CNOT4: variants seen among roughly 807,000 people sequenced by gnomAD.
CNOT4 encodes CCR4-NOT transcription complex subunit 4.
Under a neutral mutation model 73.8 loss-of-function variants are expected in CNOT4, and 8 were observed. The ratio of observed to expected loss-of-function variants is 0.11; its 90% CI spans 0.06 to 0.20. The LOEUF (loss-of-function observed/expected upper bound fraction) is 0.20. Ranked by LOEUF, CNOT4 falls within the 10% of genes least tolerant of loss-of-function variation. The pLI is 1.00. For synonymous variants in CNOT4, 293 were observed against 321.1 expected (o/e 0.91, Z 0.94); for missense variants, 564 against 883.4 (o/e 0.64, Z 4.58).
At chr7:135,446,968 G>C (rs1164368220) in intron 1 of CNOT4, among the ~76,000 whole-genome samples, 1 of 146,148 alleles carries the variant, frequency 6.8e-6, no homozygotes, top group Non-Finnish European at 1.6e-5. Flanking sequence ...TTCACAATTA[G>C]TCTGTTCCCA....
At chr7:135,496,487 T>C (rs1803592247) in intron 1 of CNOT4, among the ~76,000 whole-genome samples, 1 of 152,166 alleles carries the variant, frequency 6.6e-6, no homozygotes, top group Non-Finnish European at 1.5e-5. Context: ...CAGTGGTCAG[T>C]GACCCTCACA....
intron 2 of CNOT4, among the ~76,000 whole-genome samples, chr7:135,434,036 C>T (rs1799008541): frequency 6.6e-6 from 1 of 152,196 alleles, no homozygotes; most frequent in Non-Finnish European, 1.5e-5. Context: ...ATATTGTAGA[C>T]TGAGAACAGG....
chr7:135,495,504 CAAAAA>C (rs150007748), intron 1 of CNOT4, among the ~76,000 whole-genome samples: 1 of 54,708 alleles, frequency 1.8e-5, no homozygotes, highest in Non-Finnish European at 3.2e-5. Flanking sequence ...GACTCTGCCT[CAAAAA>C]AAAAAAAAAA....
intron 1 of CNOT4, among the ~76,000 whole-genome samples, chr7:135,450,784 T>C (rs927848322): frequency 1.3e-5 from 2 of 152,128 alleles, no homozygotes; most frequent in Admixed American, 6.6e-5. Flanking sequence ...AAAATGTCTA[T>C]TGGGAGGGGA....
At chr7:135,496,909 C>T (rs1049510379) in intron 1 of CNOT4, among the ~76,000 whole-genome samples, 6 of 151,866 alleles carry the variant, frequency 4.0e-5, no homozygotes, top group African/African-American at 9.7e-5. Flanking sequence ...CAAGCTCAAG[C>T]GATCCTCCCC....
chr7:135,434,994 T>A (rs1264170240), intron 2 of CNOT4, among the ~76,000 whole-genome samples: 1 of 152,218 alleles, frequency 6.6e-6, no homozygotes, highest in Non-Finnish European at 1.5e-5. Flanking sequence ...TTAATAAAAT[T>A]GAGAGCTCTC....
At chr7:135,366,924 C>T (rs1471553904) in intron 10 of CNOT4, among the ~76,000 whole-genome samples, 1 of 152,100 alleles carries the variant, frequency 6.6e-6, no homozygotes, top group African/African-American at 2.4e-5. Context: ...TCCCAATGAC[C>T]CAAATTTGTC....
chr7:135,390,173 C>T (rs1317016389), intron 10 of CNOT4, among the ~76,000 whole-genome samples: 1 of 152,108 alleles, frequency 6.6e-6, no homozygotes, highest in East Asian at 1.9e-4. Flanking sequence ...ACAATTGCCA[C>T]GGGAAGAAAG....
chr7:135,508,104 C>T (rs1804492840), intron 1 of CNOT4, among the ~76,000 whole-genome samples: 1 of 152,084 alleles, frequency 6.6e-6, no homozygotes, highest in Non-Finnish European at 1.5e-5. Context: ...TACAATAACC[C>T]AGTAATGGAC....
At chr7:135,411,977 TAAC>T (rs748394157) in intron 6 of CNOT4, among the ~76,000 whole-genome samples, 10 of 152,072 alleles carry the variant, frequency 6.6e-5, no homozygotes, top group Admixed American at 2.0e-4. Context: ...GAAAGTGTTT[TAAC>T]AACAACAACA....
chr7:135,509,334 T>C (rs1006039141), intron 1 of CNOT4, among the ~76,000 whole-genome samples: 3 of 152,004 alleles, frequency 2.0e-5, no homozygotes, highest in African/African-American at 7.2e-5. Flanking sequence ...GTGGGCTGAT[T>C]GCAAGCACCA....
chr7:135,396,398 T>C (rs560968422), intron 8 of CNOT4, among the ~76,000 whole-genome samples: 9 of 152,292 alleles, frequency 5.9e-5, no homozygotes, highest in African/African-American at 2.2e-4. Flanking sequence ...ATTACAGGCA[T>C]GAGCCACCGT....
At chr7:135,460,494 T>C (rs138132827) in intron 1 of CNOT4, among the ~76,000 whole-genome samples, 38 of 152,252 alleles carry the variant, frequency 2.5e-4, no homozygotes, top group African/African-American at 8.4e-4. Context: ...GACAGAGCAA[T>C]AGCCAGTCAC....
At chr7:135,503,753 T>C (rs891375082) in intron 1 of CNOT4, among the ~76,000 whole-genome samples, 1 of 152,122 alleles carries the variant, frequency 6.6e-6, no homozygotes, top group East Asian at 1.9e-4. Context: ...TAAGAATTAA[T>C]AAAAGTTAGA....
In CNOT4 at chr7:135,363,334, T is replaced by A; in HGVS notation, c.1841-148A>T. On this transcript the variant is annotated intron_variant, in intron 11 of 11. Transcript: ENST00000541284. This position sits in a 1 kb window ranked among gnomAD's most constrained non-coding sequence, Gnocchi z 4.3. Reference sequence around the variant, plus strand: ...TTCCAAATAAGACCTTTTAAACCAATCCTCCCCCAACAACAAAGAACTTAT... The same window carrying A: ...TTCCAAATAAGACCTTTTAAACCAAACCTCCCCCAACAACAAAGAACTTAT... 1 of 706,334 alleles carries A rather than the reference T, an allele frequency of 1.4e-6. No homozygotes were observed. Among genetic ancestry groups the A allele is most frequent in the Non-Finnish European group, 2.3e-6 (1 of 426,586 alleles). The allele number at this position is 706,334 out of a possible 1,614,324, so 43.8% of individuals were successfully genotyped here. A position where few individuals can be genotyped will look rare whatever the true frequency, so the allele number is the denominator to read the frequency against.
intron 2 of CNOT4, among the ~76,000 whole-genome samples, chr7:135,429,635 T>C (rs779222100): frequency 2.0e-5 from 3 of 152,204 alleles, no homozygotes; most frequent in Non-Finnish European, 2.9e-5. Flanking sequence ...GATTACATTA[T>C]TATAAAATGC....
intron 10 of CNOT4, chr7:135,387,493 CTATTAT>C (rs1359948787): frequency 2.1e-6 from 2 of 973,680 alleles, no homozygotes; most frequent in East Asian, 2.3e-4. Context: ...ATAACATGTT[CTATTAT>C]TATTATTTTC....
intron 10 of CNOT4, among the ~76,000 whole-genome samples, chr7:135,370,354 G>A (rs574837954): frequency 2.6e-5 from 4 of 152,148 alleles, no homozygotes; most frequent in Non-Finnish European, 4.4e-5. Flanking sequence ...ATCCAGACAC[G>A]CTACATATGA....
At chr7:135,441,065 TA>T (rs1799450843) in intron 1 of CNOT4, among the ~76,000 whole-genome samples, 1 of 152,200 alleles carries the variant, frequency 6.6e-6, no homozygotes, top group Non-Finnish European at 1.5e-5. Context: ...AGTATGAACA[TA>T]CAATTACTTT....
Sources: gnomAD v4.1 joint callset for allele counts (sites outside exome capture counted in the v4.1 genomes callset) on GRCh38, gnomAD v4.1.1 for gene constraint, Gnocchi (gnomAD v3.1) non-coding constraint, MANE v1.5 for transcripts, NCBI Gene and HGNC (gene_info 2026-07-23, HGNC 2026-07-21) for gene names.